Variants in RETREG1 observed in about 807,000 individuals in gnomAD.
The protein encoded by RETREG1 is reticulophagy regulator 1.
Under a neutral mutation model 54.8 loss-of-function variants are expected in RETREG1, and 44 were observed. The observed-to-expected ratio is 0.80, with a 90% CI of 0.63 to 1.03. The LOEUF (loss-of-function observed/expected upper bound fraction) is 1.03. RETREG1 is among the 50% of genes least tolerant of loss of function. The pLI is 0.00. For missense variants in RETREG1, 554 were observed against 605.1 expected (o/e 0.92, Z 0.89); for synonymous variants, 217 against 238.5 (o/e 0.91, Z 0.83).
chr5:16,515,919 C>G (rs1362392772), intron 3 of RETREG1, among the ~76,000 whole-genome samples: 3 of 152,096 alleles, frequency 2.0e-5, no homozygotes, highest in Non-Finnish European at 4.4e-5. Context: ...GGGGCTTTAA[C>G]AAATCTAAGT....
At chr5:16,526,385 C>G (rs1257368163) in intron 3 of RETREG1, among the ~76,000 whole-genome samples, 1 of 152,214 alleles carries the variant, frequency 6.6e-6, no homozygotes, top group Non-Finnish European at 1.5e-5. Context: ...TGTCAACTGC[C>G]TTAGTTACAA....
At chr5:16,541,790 AAGG>A (rs1359831183) in intron 3 of RETREG1, among the ~76,000 whole-genome samples, 2 of 142,440 alleles carry the variant, frequency 1.4e-5, no homozygotes, top group African/African-American at 2.7e-5. Context: ...GGAAGGAAGG[AAGG>A]AAGGAAAGGA....
intron 3 of RETREG1, among the ~76,000 whole-genome samples, chr5:16,518,998 G>T (rs74908669): frequency 0.012 from 1,847 of 152,246 alleles, 35 homozygotes; most frequent in African/African-American, 0.042. Flanking sequence ...GATATTTCTG[G>T]AACAAAGTGG....
At chr5:16,485,255 C>A (rs1229773683) in intron 3 of RETREG1, among the ~76,000 whole-genome samples, 1 of 152,144 alleles carries the variant, frequency 6.6e-6, no homozygotes. Context: ...GCTCTCTATG[C>A]ATATTGAATA....
chr5:16,515,635 T>C (rs1009719520), intron 3 of RETREG1, among the ~76,000 whole-genome samples: 6 of 152,150 alleles, frequency 3.9e-5, no homozygotes, highest in African/African-American at 1.4e-4. Context: ...AAGAAGGTAG[T>C]TGAGCCACTA....
At chr5:16,600,819 A>G (rs1353865975) in intron 1 of RETREG1, among the ~76,000 whole-genome samples, 1 of 152,208 alleles carries the variant, frequency 6.6e-6, no homozygotes, top group Non-Finnish European at 1.5e-5. Context: ...CCTCGAATAA[A>G]CTATCTTCTC....
intron 3 of RETREG1, among the ~76,000 whole-genome samples, chr5:16,507,390 T>C (rs1400054878): frequency 2.0e-5 from 3 of 152,242 alleles, no homozygotes; most frequent in Non-Finnish European, 4.4e-5. Flanking sequence ...ATGAAGGGGA[T>C]ACATACGAGT....
intron 3 of RETREG1, among the ~76,000 whole-genome samples, chr5:16,565,473 T>C (rs1201600887): frequency 6.6e-6 from 1 of 152,044 alleles, no homozygotes; most frequent in African/African-American, 2.4e-5. Flanking sequence ...TGAAAGGAAA[T>C]CCCAAAAGAA....
rs951184161 is a variant in RETREG1, at chr5:16,541,735, G to A, written c.458+24028C>T. Among the ~76,000 whole-genome samples the A allele has an allele frequency of 1.7e-4, 16 of 94,868 alleles. No individual in the cohort carries two copies. The Admixed American group carries it at 1.9e-3, about 11-fold the overall frequency. The allele number at this position is 94,868 out of a possible 152,430, so 62.2% of individuals were successfully genotyped here. On this transcript the variant is annotated intron_variant, in intron 3 of 8. Coordinates refer to ENST00000306320, the MANE Select transcript of RETREG1 (RefSeq NM_001034850.3). ...AAGAAAAGAGAAGAGAAGAGAGGGA[G>A]GGAGGGAAGGAAGGAAGGAAGGAAG...
chr5:16,495,546 A>G (rs1739418999), intron 3 of RETREG1, among the ~76,000 whole-genome samples: 1 of 152,178 alleles, frequency 6.6e-6, no homozygotes, highest in African/African-American at 2.4e-5. Context: ...GCTATGGCTC[A>G]AAGAGGCCAA....
At chr5:16,540,654 T>C (rs1480583205) in intron 3 of RETREG1, among the ~76,000 whole-genome samples, 1 of 152,108 alleles carries the variant, frequency 6.6e-6, no homozygotes, top group Non-Finnish European at 1.5e-5. Context: ...GTCTATTCCA[T>C]CCTAACACGG....
intron 2 of RETREG1, among the ~76,000 whole-genome samples, chr5:16,571,688 A>T (rs951473548): frequency 6.6e-6 from 1 of 152,182 alleles, no homozygotes; most frequent in Admixed American, 6.5e-5. Flanking sequence ...CCAGTGGCCC[A>T]GTTTCATCAT....
intron 3 of RETREG1, among the ~76,000 whole-genome samples, chr5:16,558,316 G>A (rs1332171491): frequency 6.6e-6 from 1 of 152,016 alleles, no homozygotes; most frequent in Non-Finnish European, 1.5e-5. Flanking sequence ...TTGCTCTCTC[G>A]GGTTCTCCTG....
At chr5:16,547,815 T>G (rs1040918575) in intron 3 of RETREG1, among the ~76,000 whole-genome samples, 1 of 152,204 alleles carries the variant, frequency 6.6e-6, no homozygotes, top group African/African-American at 2.4e-5. Context: ...TGGGTAAAAC[T>G]GTTCTGGTTT....
intron 3 of RETREG1, among the ~76,000 whole-genome samples, chr5:16,512,513 T>C (rs570146853): frequency 5.9e-4 from 90 of 152,280 alleles, no homozygotes; most frequent in Non-Finnish European, 7.5e-4. Flanking sequence ...TAGAAAACCA[T>C]TGCCACTTCA....
At chr5:16,509,029 T>G in intron 3 of RETREG1, 1 of 978,198 alleles carries the variant, frequency 1.0e-6, no homozygotes, top group Non-Finnish European at 1.2e-6. Flanking sequence ...GCCCTTTTTC[T>G]TCCCCCGGCT....
chr5:16,609,317 C>T lies in RETREG1; in HGVS notation c.320+7335G>A, dbSNP rs559801793. Among the ~76,000 whole-genome samples, 3 of 152,314 alleles carry T rather than the reference C, an allele frequency of 2.0e-5. No individual in the cohort carries two copies. In the East Asian group the frequency reaches 5.8e-4, roughly 29 times the overall value. On this transcript the variant is annotated intron_variant, in intron 1 of 8. Coordinates refer to ENST00000306320, the MANE Select transcript of RETREG1 (RefSeq NM_001034850.3). ...GTTTAAATACGATGCTACATGTGAA[C>T]ACCCTTTATCATAACTTTAGTAAAG...
chr5:16,480,333 T>C (rs1017309375), intron 5 of RETREG1, among the ~76,000 whole-genome samples: 1 of 152,168 alleles, frequency 6.6e-6, no homozygotes, highest in Non-Finnish European at 1.5e-5. Flanking sequence ...TAAGTAGTAA[T>C]CCATTATATG....
intron 1 of RETREG1, among the ~76,000 whole-genome samples, chr5:16,587,528 G>C (rs535250516): frequency 1.3e-5 from 2 of 152,306 alleles, no homozygotes; most frequent in East Asian, 3.9e-4. Flanking sequence ...GAGTTGAAAA[G>C]TAATTGTCAT....
Sources: allele counts gnomAD v4.1 joint callset (sites outside exome capture counted in the v4.1 genomes callset), GRCh38; gene constraint gnomAD v4.1.1; transcripts MANE v1.5; gene names NCBI Gene and HGNC (gene_info 2026-07-23, HGNC 2026-07-21).